Variants in KIF6 observed in about 807,000 individuals in gnomAD.
KIF6 encodes the protein kinesin-like protein KIF6.
A neutral mutation model predicts 112.7 loss-of-function variants in KIF6; 106 were observed. That is an observed-to-expected ratio of 0.94 (90% CI 0.80 to 1.11). The LOEUF (loss-of-function observed/expected upper bound fraction) is 1.11. Among genes scored for constraint, KIF6 ranks in the 50% least tolerant of loss-of-function variants. The pLI, the probability that KIF6 is intolerant of heterozygous loss-of-function variation, is 0.00. For synonymous variants in KIF6, 339 were observed against 339.9 expected (o/e 1.00, Z 0.03); for missense variants, 929 against 964.0 (o/e 0.96, Z 0.48).
intron 16 of KIF6, among the ~76,000 whole-genome samples, chr6:39,380,833 T>C (rs977352604): frequency 1.4e-4 from 21 of 152,236 alleles, no homozygotes; most frequent in African/African-American, 4.3e-4. Flanking sequence ...AAAGCACAGA[T>C]AATAACACAA....
intron 3 of KIF6, among the ~76,000 whole-genome samples, chr6:39,658,727 G>A (rs924438622): frequency 3.3e-5 from 5 of 152,128 alleles, no homozygotes; most frequent in Non-Finnish European, 7.3e-5. Flanking sequence ...CTGAGGCCAA[G>A]CACATATATT....
chr6:39,695,915 G>T (rs1277897758), intron 3 of KIF6, among the ~76,000 whole-genome samples: 2 of 152,162 alleles, frequency 1.3e-5, no homozygotes, highest in African/African-American at 4.8e-5. Flanking sequence ...ATCAACGGTG[G>T]ACTGGATAAA....
intron 3 of KIF6, among the ~76,000 whole-genome samples, chr6:39,661,798 G>GT (rs1786164699): frequency 1.3e-5 from 2 of 152,114 alleles, no homozygotes; most frequent in Non-Finnish European, 2.9e-5. Context: ...CTACCAGATG[G>GT]ATACCTTCTA....
intron 3 of KIF6, among the ~76,000 whole-genome samples, chr6:39,646,314 G>GA (rs542125605): frequency 2.7e-5 from 4 of 149,832 alleles, no homozygotes; most frequent in African/African-American, 7.4e-5. Flanking sequence ...CAGCATAGTT[G>GA]AAAAAAAAAG....
intron 19 of KIF6, among the ~76,000 whole-genome samples, chr6:39,350,553 A>G (rs116329183): frequency 7.6e-4 from 115 of 152,228 alleles, no homozygotes; most frequent in African/African-American, 2.6e-3. Flanking sequence ...GCTACGAGAT[A>G]TTATTGCCGT....
intron 3 of KIF6, among the ~76,000 whole-genome samples, chr6:39,708,755 T>C (rs1225089841): frequency 6.6e-6 from 1 of 152,144 alleles, no homozygotes; most frequent in Non-Finnish European, 1.5e-5. Context: ...ACTTCATAGT[T>C]TTCCTCCCTA....
At chr6:39,570,389 A>C (rs1007803218) in intron 10 of KIF6, among the ~76,000 whole-genome samples, 2 of 152,150 alleles carry the variant, frequency 1.3e-5, no homozygotes, top group African/African-American at 4.8e-5. Flanking sequence ...TTTTCTCTTC[A>C]TTGTTAAATA....
At chr6:39,345,837 T>C (rs1763668429) in intron 20 of KIF6, 48 bp from the exon 21 acceptor site, 1 of 1,383,032 alleles carries the variant, frequency 7.2e-7, no homozygotes, top group African/African-American at 1.8e-5. Context: ...GGCAAATTTA[T>C]AGAAGGAAAT....
At chr6:39,639,902 T>G (rs897873389) in intron 3 of KIF6, 145 bp from the exon 4 acceptor site, 57 of 634,892 alleles carry the variant, frequency 9.0e-5, no homozygotes, top group Non-Finnish European at 1.3e-4. Context: ...TATGTGAATA[T>G]CTAGCTAGAA....
At chr6:39,534,533 T>G (rs1440071834) in intron 13 of KIF6, among the ~76,000 whole-genome samples, 8 of 152,110 alleles carry the variant, frequency 5.3e-5, no homozygotes, top group Middle Eastern at 6.8e-3. Context: ...AAAGAAATGA[T>G]CAAAGCCTCC....
chr6:39,657,103 C>T (rs1201334929), intron 3 of KIF6, among the ~76,000 whole-genome samples: 1 of 151,710 alleles, frequency 6.6e-6, no homozygotes, highest in African/African-American at 2.4e-5. Context: ...CCTGGTGGTG[C>T]GTGCCTGTAA....
chr6:39,648,449 C>T (rs1376421361), intron 3 of KIF6, among the ~76,000 whole-genome samples: 1 of 152,140 alleles, frequency 6.6e-6, no homozygotes, highest in Admixed American at 6.5e-5. Flanking sequence ...TTACATGCAA[C>T]CAAGAGAATC....
chr6:39,597,995 G>C (rs1019840038), intron 6 of KIF6, among the ~76,000 whole-genome samples: 1 of 151,956 alleles, frequency 6.6e-6, no homozygotes, highest in Non-Finnish European at 1.5e-5. Context: ...GTGAAACCCC[G>C]TGTGTACTAA....
Position 39,430,161 on chromosome 6 carries a change from A to G in KIF6, c.1754+892T>C, listed in dbSNP as rs1001764265. 2.0e-5 allele frequency among the ~76,000 whole-genome samples: 3 copies of G among 151,584 alleles called. No individual in the cohort carries two copies. In the South Asian group the frequency reaches 6.3e-4, roughly 32 times the overall value. On this transcript the variant is annotated intron_variant, in intron 14 of 22. Coordinates refer to ENST00000287152, the MANE Select transcript of KIF6 (RefSeq NM_145027.6). ...TCTCCTGGTTCGCCCCCTCTTCTTT[A>G]TGCTTCTTCTCAGTCTCCATTATGG...
chr6:39,410,200 A>G (rs1769385681), intron 15 of KIF6, among the ~76,000 whole-genome samples: 1 of 152,248 alleles, frequency 6.6e-6, no homozygotes, highest in African/African-American at 2.4e-5. Context: ...ATATCTAGAT[A>G]ATAATATCTG....
chr6:39,595,950 A>T, intron 7 of KIF6, 104 bp downstream of exon 7: 1 of 832,774 alleles, frequency 1.2e-6, no homozygotes, highest in Non-Finnish European at 1.9e-6. Flanking sequence ...TGTTATATAT[A>T]TTTCATCATA....
At chr6:39,482,005 GGC>G (rs1774827687) in intron 13 of KIF6, among the ~76,000 whole-genome samples, 2 of 121,198 alleles carry the variant, frequency 1.7e-5, no homozygotes, top group African/African-American at 7.2e-5. Flanking sequence ...GGGACCTTTA[GGC>G]ACACACACAC....
intron 14 of KIF6, among the ~76,000 whole-genome samples, chr6:39,423,594 A>G: frequency 6.6e-6 from 1 of 151,850 alleles, no homozygotes; most frequent in East Asian, 1.9e-4. Context: ...AGCCTGTTTG[A>G]TACCTTGAAG....
At position 39,586,350 on chromosome 6, in the gene KIF6, T is replaced by A; in HGVS notation, c.901A>T (p.Met301Leu). Residue 301 changes from methionine to leucine, a missense_variant, in exon 8 of 23, where the codon ATG becomes TTG. Transcript: ENST00000287152. Reference protein sequence around the residue: ...HRSHIPYRNSMMTSVLRDSLG... With the variant: ...HRSHIPYRNSLMTSVLRDSLG... ...CTGTCTCTTAGGACACTGGTCATCA[T>A]GGAGTTTCTATAAGGAATGTGCGAA... The A allele has an allele frequency of 6.2e-7, 1 of 1,614,054 alleles. No homozygotes were observed. The highest frequency in any genetic ancestry group is 1.1e-5 in the South Asian group (1 of 91,072).
Sources: gnomAD v4.1 joint callset for allele counts (sites outside exome capture counted in the v4.1 genomes callset) on GRCh38, gnomAD v4.1.1 for gene constraint, MANE v1.5 for transcripts, NCBI Gene and HGNC (gene_info 2026-07-23, HGNC 2026-07-21) for gene names.